The following CDH13 variants were observed in gnomAD, a reference collection of about 807,000 sequenced individuals.
CDH13 encodes cadherin-13.
CDH13 carries 24 observed loss-of-function variants against 63.8 expected under a neutral mutation model. The observed-to-expected ratio is 0.38, with a 90% CI of 0.27 to 0.53. CDH13 has a LOEUF of 0.53. Ranked by LOEUF, CDH13 falls within the 20% of genes least tolerant of loss-of-function variation. The probability of loss-of-function intolerance (pLI) is 0.85; values close to 1 mark genes in which losing one functional copy is unlikely to be tolerated. For synonymous variants in CDH13, 503 were observed against 355.3 expected (o/e 1.42, Z -4.67); for missense variants, 1,049 against 903.1 (o/e 1.16, Z -2.07).
intron 2 of CDH13, among the ~76,000 whole-genome samples, chr16:82,998,356 C>A (rs548007577): frequency 4.6e-5 from 7 of 152,304 alleles, no homozygotes; most frequent in African/African-American, 1.7e-4. Context: ...AAAAGCATTT[C>A]CAACTTTCAT....
At position 83,493,304 on chromosome 16, in the gene CDH13, A is replaced by G. The variant is rs553883474; in HGVS notation, c.960+6649A>G. 2.6e-5 allele frequency among the ~76,000 whole-genome samples: 4 copies of G among 152,346 alleles called. No individual in the cohort carries two copies. The East Asian group carries it at 7.7e-4, about 29-fold the overall frequency. On this transcript the variant is annotated intron_variant, in intron 7 of 13. Transcript: ENST00000567109. ...ACACTTTGCCCACACGGCAGAGACT[A>G]TGGCAAGTTTCTTTAAATTGAATGA...
At chr16:83,371,945 C>G (rs889096040) in intron 6 of CDH13, among the ~76,000 whole-genome samples, 1 of 152,164 alleles carries the variant, frequency 6.6e-6, no homozygotes, top group African/African-American at 2.4e-5. Flanking sequence ...AATCATCCCC[C>G]GGACCGTATA....
chr16:82,988,777 A>T (rs905736366), intron 2 of CDH13, among the ~76,000 whole-genome samples: 1 of 149,828 alleles, frequency 6.7e-6, no homozygotes, highest in Non-Finnish European at 1.5e-5. Flanking sequence ...AAAAAAAAAA[A>T]ATGCGAGTAA....
intron 12 of CDH13, among the ~76,000 whole-genome samples, chr16:83,782,919 G>C (rs16961753): frequency 0.16 from 24,287 of 151,904 alleles, 2,352 homozygotes; most frequent in East Asian, 0.43. Flanking sequence ...AGGAGTTCTT[G>C]GTAATCAATC....
At chr16:83,294,187 A>G (rs568331214) in intron 5 of CDH13, among the ~76,000 whole-genome samples, 69 of 152,362 alleles carry the variant, frequency 4.5e-4, no homozygotes, top group Non-Finnish European at 8.5e-4. Flanking sequence ...TGGAATGATT[A>G]AATCTAGCTA....
chr16:83,323,789 A>G (rs2090294719), intron 5 of CDH13, among the ~76,000 whole-genome samples: 1 of 152,168 alleles, frequency 6.6e-6, no homozygotes, highest in African/African-American at 2.4e-5. Context: ...TCACTAGCCC[A>G]TACAGTTTCC....
intron 2 of CDH13, among the ~76,000 whole-genome samples, chr16:83,029,471 G>A (rs1916109540): frequency 6.6e-6 from 1 of 152,152 alleles, no homozygotes. Flanking sequence ...AATACTCTAT[G>A]ATGATTAAGA....
chr16:82,711,683 T>C (rs2031958771), intron 1 of CDH13, among the ~76,000 whole-genome samples: 1 of 152,188 alleles, frequency 6.6e-6, no homozygotes, highest in Non-Finnish European at 1.5e-5. Context: ...ATCCAGCGTA[T>C]AGTCACTTGC....
intron 13 of CDH13, among the ~76,000 whole-genome samples, chr16:83,783,837 A>G (rs1384305499): frequency 6.6e-6 from 1 of 152,224 alleles, no homozygotes; most frequent in Non-Finnish European, 1.5e-5. Context: ...TATGCAGAAT[A>G]ATCTTTTGCA....
At chr16:82,942,618 T>C (rs1904304147) in intron 2 of CDH13, among the ~76,000 whole-genome samples, 1 of 152,184 alleles carries the variant, frequency 6.6e-6, no homozygotes, top group South Asian at 2.1e-4. Flanking sequence ...TGATGGGTCC[T>C]GTGATGTGGC....
At chr16:83,342,846 T>TG (rs1567605061) in intron 5 of CDH13, among the ~76,000 whole-genome samples, 1 of 66,828 alleles carries the variant, frequency 1.5e-5, no homozygotes, top group Non-Finnish European at 3.2e-5. Context: ...TGTTTCTGTT[T>TG]TTTTTTTTTT....
intron 1 of CDH13, among the ~76,000 whole-genome samples, chr16:82,828,383 C>T (rs1363576411): frequency 1.3e-5 from 2 of 152,062 alleles, no homozygotes; most frequent in Non-Finnish European, 2.9e-5. Context: ...TTTGGGAGGC[C>T]AAGGCAAACA....
rs574074643 is a variant in CDH13 at position 82,830,540 on chromosome 16, T to A, written c.46-27822T>A. ...ATCTACAGTGTCGTTTGCTTGTGAA[T>A]GGTGAGGGGTGGGAGCGCTTAGAAG... On this transcript the variant is annotated intron_variant, in intron 1 of 13. Coordinates refer to ENST00000567109, the MANE Select transcript of CDH13 (RefSeq NM_001257.5). 7.9e-5 allele frequency among the ~76,000 whole-genome samples: 12 copies of A among 152,216 alleles called. No individual in the cohort carries two copies. In the South Asian group the frequency reaches 2.1e-3, roughly 26 times the overall value.
intron 10 of CDH13, among the ~76,000 whole-genome samples, chr16:83,724,587 G>A (rs1910155030): frequency 6.6e-6 from 1 of 152,158 alleles, no homozygotes; most frequent in Admixed American, 6.5e-5. Context: ...AGTTGTACAA[G>A]CTCAAACCAG....
intron 6 of CDH13, among the ~76,000 whole-genome samples, chr16:83,419,710 CAAGGCA>C (rs1567659943): frequency 6.6e-6 from 1 of 152,198 alleles, no homozygotes; most frequent in African/African-American, 2.4e-5. Context: ...CAAGTTGCCC[CAAGGCA>C]TTCCCATAAG....
At chr16:83,190,052 C>G (rs924698030) in intron 4 of CDH13, among the ~76,000 whole-genome samples, 1 of 152,192 alleles carries the variant, frequency 6.6e-6, no homozygotes, top group Non-Finnish European at 1.5e-5. Context: ...AATTAAACCT[C>G]TTTCCTTTAT....
chr16:83,160,926 A>T (rs1341300981), intron 4 of CDH13, among the ~76,000 whole-genome samples: 1 of 152,182 alleles, frequency 6.6e-6, no homozygotes, highest in Non-Finnish European at 1.5e-5. Context: ...CGTTACTGGG[A>T]CTTGATACAA....
intron 7 of CDH13, among the ~76,000 whole-genome samples, chr16:83,490,964 A>G (rs1300686644): frequency 6.6e-6 from 1 of 152,236 alleles, no homozygotes; most frequent in Non-Finnish European, 1.5e-5. Flanking sequence ...CACCAGATAA[A>G]TAATAGGCAC....
intron 7 of CDH13, among the ~76,000 whole-genome samples, chr16:83,553,038 C>A (rs185260572): frequency 6.7e-6 from 1 of 149,852 alleles, no homozygotes; most frequent in East Asian, 2.0e-4. Context: ...GAGATCGCGT[C>A]ACTGCACCGT....
Sources: gnomAD v4.1 joint callset for allele counts (sites outside exome capture counted in the v4.1 genomes callset) on GRCh38, gnomAD v4.1.1 for gene constraint, MANE v1.5 for transcripts, NCBI Gene and HGNC (gene_info 2026-07-23, HGNC 2026-07-21) for gene names.